Variants in COL24A1 observed in about 807,000 individuals in gnomAD.
COL24A1 encodes collagen type XXIV alpha 1 chain.
A neutral mutation model predicts 253.9 loss-of-function variants in COL24A1; 224 were observed. That is an observed-to-expected ratio of 0.88 (90% CI 0.79 to 0.99). The LOEUF is 0.99. Among genes scored for constraint, COL24A1 ranks in the 50% least tolerant of loss-of-function variants. COL24A1 has a pLI of 0.00. For synonymous variants in COL24A1, 685 were observed against 673.7 expected (o/e 1.02, Z -0.26); for missense variants, 2,131 against 2,068.5 (o/e 1.03, Z -0.59).
At chr1:86,072,880 G>A (rs1013148277) in intron 7 of COL24A1, among the ~76,000 whole-genome samples, 6 of 152,080 alleles carry the variant, frequency 3.9e-5, no homozygotes, top group African/African-American at 1.4e-4. Flanking sequence ...CCGCAGCAGA[G>A]GGATCTGACT....
At chr1:85,995,926 C>G (rs1694748026) in intron 19 of COL24A1, among the ~76,000 whole-genome samples, 1 of 152,188 alleles carries the variant, frequency 6.6e-6, no homozygotes, top group Non-Finnish European at 1.5e-5. Flanking sequence ...CCCAACCATG[C>G]TTCCTGTACA....
chr1:86,111,341 T>C (rs557930939), intron 5 of COL24A1, among the ~76,000 whole-genome samples: 2 of 152,068 alleles, frequency 1.3e-5, no homozygotes, highest in Non-Finnish European at 2.9e-5. Flanking sequence ...GGTTTGTAAA[T>C]GCACCAATCA....
At chr1:85,809,611 C>T (rs750797035) in intron 47 of COL24A1, among the ~76,000 whole-genome samples, 14 of 151,852 alleles carry the variant, frequency 9.2e-5, no homozygotes, top group Non-Finnish European at 1.5e-4. Context: ...ACTGACTGAC[C>T]ATCACAATAA....
At chr1:85,852,113 C>T (rs966855812) in intron 37 of COL24A1, among the ~76,000 whole-genome samples, 13 of 151,260 alleles carry the variant, frequency 8.6e-5, no homozygotes, top group Middle Eastern at 3.4e-3. Context: ...TGTGTGTGTG[C>T]GCGCACGTGC....
At chr1:85,806,044 C>T (rs1360750221) in intron 47 of COL24A1, among the ~76,000 whole-genome samples, 2 of 146,164 alleles carry the variant, frequency 1.4e-5, no homozygotes, top group African/African-American at 5.1e-5. Flanking sequence ...CCACTGCACT[C>T]CAGGTTGGGC....
intron 55 of COL24A1, among the ~76,000 whole-genome samples, 195 bp downstream of exon 55, chr1:85,761,201 C>A (rs1452627472): frequency 6.6e-6 from 1 of 152,140 alleles, no homozygotes; most frequent in East Asian, 1.9e-4. Context: ...GATACCATCT[C>A]CATTTTATAA....
chr1:85,947,746 G>A lies in COL24A1; in HGVS notation c.2562+13503C>T, dbSNP rs377340129. Among the ~76,000 whole-genome samples the A allele has an allele frequency of 1.4e-4, 22 of 152,100 alleles. 1 individual carries two copies. The South Asian group carries it at 4.2e-3, about 29-fold the overall frequency. ...CCTAAAATATAACATTCTAATCCAG[G>A]CTAATAACTATTTGTAATTTTTTTC... On this transcript the variant is annotated intron_variant, in intron 24 of 59. Coordinates refer to ENST00000370571, the MANE Select transcript of COL24A1 (RefSeq NM_152890.7).
At chr1:85,852,540 A>AT (rs1438199911) in intron 37 of COL24A1, among the ~76,000 whole-genome samples, 4 of 152,156 alleles carry the variant, frequency 2.6e-5, no homozygotes, top group Non-Finnish European at 4.4e-5. Flanking sequence ...TTGAAATTGT[A>AT]TTAAGTGTAT....
intron 32 of COL24A1, among the ~76,000 whole-genome samples, chr1:85,884,457 G>A (rs1417640958): frequency 6.6e-6 from 1 of 152,100 alleles, no homozygotes; most frequent in Non-Finnish European, 1.5e-5. Flanking sequence ...AATAGGGTTT[G>A]TGGCACAGTT....
intron 39 of COL24A1, 24 bp from the exon 40 acceptor site, chr1:85,842,417 T>C: frequency 6.8e-7 from 1 of 1,480,742 alleles, no homozygotes; most frequent in Non-Finnish European, 9.3e-7. Flanking sequence ...TAAATATTAG[T>C]GAGAGAGAGA....
intron 11 of COL24A1, among the ~76,000 whole-genome samples, chr1:86,048,784 C>G (rs997496931): frequency 6.6e-5 from 10 of 152,094 alleles, no homozygotes; most frequent in African/African-American, 2.4e-4. Flanking sequence ...GCCACTGTGC[C>G]CGGCCAGGTC....
At chr1:85,998,322 G>T (rs190105881) in intron 19 of COL24A1, among the ~76,000 whole-genome samples, 52 of 152,192 alleles carry the variant, frequency 3.4e-4, no homozygotes, top group African/African-American at 1.2e-3. Flanking sequence ...CTTGCACCAC[G>T]TAACTTGTTA....
At chr1:86,041,212 A>G (rs1039160193) in intron 12 of COL24A1, among the ~76,000 whole-genome samples, 1 of 152,160 alleles carries the variant, frequency 6.6e-6, no homozygotes, top group Non-Finnish European at 1.5e-5. Context: ...TCTTCAGAGG[A>G]AGAAAACTAA....
At chr1:86,148,809 T>C (rs1469120905) in intron 1 of COL24A1, among the ~76,000 whole-genome samples, 5 of 152,138 alleles carry the variant, frequency 3.3e-5, no homozygotes, top group Admixed American at 6.5e-5. Context: ...GCAATAAACA[T>C]ACGTGTGCAT....
chr1:85,922,275 C>A (rs535840990), intron 24 of COL24A1, among the ~76,000 whole-genome samples: 221 of 152,242 alleles, frequency 1.5e-3, no homozygotes, highest in African/African-American at 5.1e-3. Flanking sequence ...CTTCCCCAAC[C>A]TAGCAAGGTA....
At chr1:85,876,873 T>C (rs1051218101) in intron 33 of COL24A1, among the ~76,000 whole-genome samples, 2 of 152,184 alleles carry the variant, frequency 1.3e-5, no homozygotes, top group Admixed American at 1.3e-4. Flanking sequence ...TTTAAATCAG[T>C]GAAGGGAAAG....
chr1:85,949,875 T>C (rs74097621), intron 24 of COL24A1, among the ~76,000 whole-genome samples: 2,586 of 152,266 alleles, frequency 0.017, 76 homozygotes, highest in African/African-American at 0.06. Flanking sequence ...TGTCTACTCC[T>C]TGTTCAGACC....
intron 24 of COL24A1, among the ~76,000 whole-genome samples, chr1:85,954,937 G>T (rs1195203578): frequency 6.6e-6 from 1 of 152,148 alleles, no homozygotes; most frequent in African/African-American, 2.4e-5. Context: ...AAGGAAATAT[G>T]ACTTCTTATG....
In COL24A1 at chr1:86,068,127, A is replaced by T. The variant is rs12071046; in HGVS notation, c.1708-4368T>A. On this transcript the variant is annotated intron_variant, in intron 7 of 59. Transcript: ENST00000370571. ...GCTTACGCTATTCGTCCCCTCTCCA[A>T]CACTGGAACATCAAATTTTAACAAC... Among the ~76,000 whole-genome samples, 1,220 of 152,360 alleles carry T rather than the reference A, an allele frequency of 8.0e-3. 13 individuals are homozygous for T. Among genetic ancestry groups the T allele is most frequent in the African/African-American group, 0.026 (1,098 of 41,590 alleles).
Sources: gnomAD v4.1 joint callset for allele counts (sites outside exome capture counted in the v4.1 genomes callset) on GRCh38, gnomAD v4.1.1 for gene constraint, MANE v1.5 for transcripts, NCBI Gene and HGNC (gene_info 2026-07-23, HGNC 2026-07-21) for gene names.